Variants in XYLB observed in about 807,000 individuals in gnomAD.
The protein encoded by XYLB is xylulose kinase.
XYLB carries 62 observed loss-of-function variants against 78.7 expected under a neutral mutation model. The observed-to-expected ratio is 0.79, with a 90% confidence interval of 0.64 to 0.97. XYLB has a LOEUF of 0.97. Among genes scored for constraint, XYLB ranks in the 50% least tolerant of loss-of-function variants. The pLI, the probability that XYLB is intolerant of heterozygous loss-of-function variation, is 0.00. For synonymous variants in XYLB, 245 were observed against 247.4 expected (o/e 0.99, Z 0.09); for missense variants, 687 against 676.8 (o/e 1.02, Z -0.17).
At chr3:38,387,862 C>T (rs1388662106) in intron 15 of XYLB, among the ~76,000 whole-genome samples, 1 of 152,156 alleles carries the variant, frequency 6.6e-6, no homozygotes, top group Non-Finnish European at 1.5e-5. Context: ...TTGTCCATCT[C>T]TTCCTCTGAC....
chr3:38,371,553 C>T (rs1163775180), intron 9 of XYLB, among the ~76,000 whole-genome samples: 5 of 152,112 alleles, frequency 3.3e-5, no homozygotes, highest in South Asian at 2.1e-4. Context: ...GGATTACAGG[C>T]GTGAGCCACC....
chr3:38,388,279 G>C (rs527438495), intron 15 of XYLB, among the ~76,000 whole-genome samples: 27 of 150,182 alleles, frequency 1.8e-4, no homozygotes, highest in Admixed American at 7.3e-4. Context: ...TAAAAATTTT[G>C]GTTAGGGTAC....
the XYLB span, among the ~76,000 whole-genome samples, chr3:38,442,294 C>G: frequency 6.6e-6 from 1 of 152,142 alleles, no homozygotes; most frequent in Admixed American, 6.5e-5. Context: ...CCTAGAGTAG[C>G]CTGCTGGCAT....
chr3:38,379,206 G>T lies in XYLB; in HGVS notation c.1195-40G>T, dbSNP rs1217981533. 6 of 1,595,644 alleles carry T rather than the reference G, an allele frequency of 3.8e-6. No individual in the cohort carries two copies. The South Asian group carries it at 4.4e-5, about 12-fold the overall frequency. The stretch of plus-strand genomic sequence containing the variant: ...ACACATACACACACGAATGGACAAT[G>T]AGAGTTCCTTACTCTGTGCCCACCT... On this transcript the variant is annotated intron_variant, in intron 14 of 18. Transcript: ENST00000207870.
the XYLB span, among the ~76,000 whole-genome samples, chr3:38,438,437 C>T: frequency 6.6e-6 from 1 of 152,190 alleles, no homozygotes; most frequent in Non-Finnish European, 1.5e-5. Flanking sequence ...TTGCCCAAAG[C>T]AATCTACAGG....
rs1027452737 is a variant in XYLB, at chr3:38,387,189, A to G, written c.1291+7847A>G. 5.3e-5 allele frequency among the ~76,000 whole-genome samples: 8 copies of G among 152,096 alleles called. No homozygotes were observed. The East Asian group carries it at 1.3e-3, about 26-fold the overall frequency. On this transcript the variant is annotated intron_variant, in intron 15 of 18. Transcript: ENST00000207870. ...ATCTGTGGGTTAATGTCTTCCATCA[A>G]TTTTGGAAAATTCTTAGCCATTATT...
At chr3:38,370,303 G>T in intron 9 of XYLB, 129 bp downstream of exon 9, 1 of 676,094 alleles carries the variant, frequency 1.5e-6, no homozygotes, top group South Asian at 1.8e-5. Flanking sequence ...TCACCCACAG[G>T]CATACACATG....
the XYLB span, among the ~76,000 whole-genome samples, chr3:38,427,727 G>T: frequency 3.3e-5 from 5 of 151,994 alleles, no homozygotes; most frequent in Admixed American, 1.3e-4. Flanking sequence ...TGAGTAGCTG[G>T]GACTACAGGC....
At position 38,400,947 on chromosome 3, in the gene XYLB, C is replaced by A; in HGVS notation, c.1495C>A (p.Pro499Thr). 1 of 1,614,168 alleles carries A rather than the reference C, an allele frequency of 6.2e-7. No homozygotes were observed. Among genetic ancestry groups the A allele is most frequent in the Non-Finnish European group, 8.5e-7 (1 of 1,180,016 alleles). ...AGAGGTTGTGAAGTTAGCTCCAAAT[C>A]CCAGACTAGCTGCTACCCCAAGCCC... ...FSEVVKLAPN[P>T]RLAATPSPGA... The change falls in exon 18 of 19, where the codon CCC becomes ACC. Residue 499 changes from proline to threonine, a missense_variant. Pro to Thr is a conservative substitution (Grantham distance 38). Coordinates refer to ENST00000207870, the MANE Select transcript of XYLB (RefSeq NM_005108.4).
chr3:38,447,164 G>A, the XYLB span, among the ~76,000 whole-genome samples: 2 of 152,094 alleles, frequency 1.3e-5, no homozygotes, highest in Non-Finnish European at 2.9e-5. Context: ...AACAGCATAT[G>A]AAAAAATGCT....
intron 18 of XYLB, among the ~76,000 whole-genome samples, chr3:38,409,597 G>A (rs1349737251): frequency 2.6e-5 from 4 of 152,162 alleles, no homozygotes; most frequent in Non-Finnish European, 5.9e-5. Flanking sequence ...AAGTCAAATT[G>A]TCCCTGTTTG....
At chr3:38,426,233 T>G (rs1281492844), downstream of XYLB, among the ~76,000 whole-genome samples, 2 of 152,224 alleles carry the variant, frequency 1.3e-5, no homozygotes, top group Non-Finnish European at 2.9e-5. Flanking sequence ...GACCAGAAAC[T>G]AGCTAATCAA....
chr3:38,418,478 A>G (rs755289080), downstream of XYLB, among the ~76,000 whole-genome samples: 28 of 152,226 alleles, frequency 1.8e-4, no homozygotes, highest in Non-Finnish European at 3.8e-4. Flanking sequence ...CAAAGACACA[A>G]TTCCAACATA....
intron 15 of XYLB, among the ~76,000 whole-genome samples, chr3:38,389,443 C>T (rs1367507339): frequency 6.6e-6 from 1 of 152,206 alleles, no homozygotes; most frequent in Non-Finnish European, 1.5e-5. Context: ...ATGGCCCGTT[C>T]TCAATGAGCT....
chr3:38,397,538 CAA>C (rs1404173757), intron 17 of XYLB, among the ~76,000 whole-genome samples: 1 of 152,078 alleles, frequency 6.6e-6, no homozygotes, highest in African/African-American at 2.4e-5. Flanking sequence ...GAAGTTGAAA[CAA>C]AGGGGAAGGC....
intron 18 of XYLB, among the ~76,000 whole-genome samples, chr3:38,408,692 G>A (rs188499496): frequency 0.41 from 61,138 of 147,526 alleles, 13,975 homozygotes; most frequent in Non-Finnish European, 0.55. Context: ...AATAAAAAAT[G>A]ATAAAGGGGA....
At chr3:38,417,858 T>A (rs13073137), downstream of XYLB, among the ~76,000 whole-genome samples, 1 of 138,866 alleles carries the variant, frequency 7.2e-6, no homozygotes, top group African/African-American at 2.9e-5. Flanking sequence ...CCAGCTTGGG[T>A]AACAGAGTGA....
chr3:38,404,796 C>T (rs1449591195), intron 18 of XYLB, among the ~76,000 whole-genome samples: 1 of 152,196 alleles, frequency 6.6e-6, no homozygotes, highest in Non-Finnish European at 1.5e-5. Flanking sequence ...ACTGCACCTC[C>T]AGCCTGGGTA....
In XYLB at chr3:38,362,975, C is replaced by A; in HGVS notation, c.249C>A (p.Gly83=). Reference sequence around the variant, plus strand: ...TCTTGGAGAAGATGAAGGCTTCGGGCTTCGACTTCTCTCAAGTCCTAGCCT... The same window carrying A: ...TCTTGGAGAAGATGAAGGCTTCGGGATTCGACTTCTCTCAAGTCCTAGCCT... ...DIILEKMKAS[G]FDFSQVLALS... The change falls in exon 4 of 19, where the codon GGC becomes GGA. Residue 83 remains glycine (G), a synonymous_variant. Coordinates refer to ENST00000207870, the MANE Select transcript of XYLB (RefSeq NM_005108.4). The A allele has an allele frequency of 6.3e-7, 1 of 1,584,768 alleles. No individual in the cohort carries two copies. Among genetic ancestry groups the A allele is most frequent in the Non-Finnish European group, 8.6e-7 (1 of 1,165,122 alleles).
Sources: gnomAD v4.1 joint callset for allele counts (sites outside exome capture counted in the v4.1 genomes callset) on GRCh38, gnomAD v4.1.1 for gene constraint, MANE v1.5 for transcripts, NCBI Gene and HGNC (gene_info 2026-07-23, HGNC 2026-07-21) for gene names.